The following NAALADL2 variants were observed in gnomAD, a reference collection of about 807,000 sequenced individuals.
The protein encoded by NAALADL2 is inactive N-acetylated-alpha-linked acidic dipeptidase-like protein 2.
NAALADL2 carries 76 observed loss-of-function variants against 87.2 expected under a neutral mutation model. That is an observed-to-expected ratio of 0.87 (90% CI 0.72 to 1.05). The LOEUF is 1.05. NAALADL2 is among the 50% of genes least tolerant of loss of function. The probability of loss-of-function intolerance (pLI) is 0.00; values close to 1 mark genes in which losing one functional copy is unlikely to be tolerated. For missense variants in NAALADL2, 1,089 were observed against 945.8 expected (o/e 1.15, Z -1.99); for synonymous variants, 354 against 331.0 (o/e 1.07, Z -0.75).
At chr3:175,740,847 C>T (rs951490905) in intron 12 of NAALADL2, among the ~76,000 whole-genome samples, 1 of 152,160 alleles carries the variant, frequency 6.6e-6, no homozygotes, top group African/African-American at 2.4e-5. Context: ...GCACTGCGGA[C>T]TCGCCCTTAA....
At chr3:175,448,574 T>C (rs1721053482) in intron 6 of NAALADL2, among the ~76,000 whole-genome samples, 1 of 152,180 alleles carries the variant, frequency 6.6e-6, no homozygotes, top group Non-Finnish European at 1.5e-5. Flanking sequence ...TGCCCTCCCC[T>C]ATGTCACCTC....
At chr3:174,703,529 G>A (rs541046867) in intron 2 of NAALADL2, among the ~76,000 whole-genome samples, 1 of 152,100 alleles carries the variant, frequency 6.6e-6, no homozygotes, top group Non-Finnish European at 1.5e-5. Context: ...ATGATAATAA[G>A]TGGGTCGTCA....
intron 4 of NAALADL2, among the ~76,000 whole-genome samples, chr3:175,272,720 C>T (rs1753024644): frequency 6.6e-6 from 1 of 152,046 alleles, no homozygotes; most frequent in Admixed American, 6.6e-5. Context: ...ATTTGAAAAT[C>T]ATATAATATA....
chr3:175,541,482 A>G (rs1045851629), intron 9 of NAALADL2, among the ~76,000 whole-genome samples: 7 of 152,212 alleles, frequency 4.6e-5, no homozygotes, highest in African/African-American at 1.4e-4. Flanking sequence ...TGAATATCTC[A>G]TGTAATTTAT....
At chr3:174,540,621 T>A (rs1310527867) in intron 1 of NAALADL2, 2 of 152,216 alleles carry the variant, frequency 1.3e-5, no homozygotes, top group Non-Finnish European at 2.9e-5. Flanking sequence ...GCTGGCTTGT[T>A]GACAAGAAGA....
intron 5 of NAALADL2, among the ~76,000 whole-genome samples, chr3:175,446,867 CACTT>C (rs1720794118): frequency 1.3e-5 from 2 of 152,296 alleles, no homozygotes; most frequent in Admixed American, 1.3e-4. Flanking sequence ...ACATCACTGA[CACTT>C]ACATATCTGC....
intron 13 of NAALADL2, among the ~76,000 whole-genome samples, chr3:175,766,983 C>T (rs1000886250): frequency 1.3e-5 from 2 of 152,050 alleles, no homozygotes; most frequent in African/African-American, 4.8e-5. Context: ...CCAATAGGCA[C>T]GATTCTATAA....
At position 174,993,693 on chromosome 3, in the gene NAALADL2, T is replaced by C. The variant is rs372985492; in HGVS notation, c.44-103097T>C. 1.6e-4 allele frequency among the ~76,000 whole-genome samples: 24 copies of C among 152,074 alleles called. No homozygotes were observed. The East Asian group carries it at 2.9e-3, about 18-fold the overall frequency. On this transcript the variant is annotated intron_variant, in intron 1 of 13. Coordinates refer to ENST00000454872, the MANE Select transcript of NAALADL2 (RefSeq NM_207015.3). ...ATTAAGAGTTAGAAAAATGAGGAGT[T>C]AAAAAAATAATATGTATAGTAGCTT...
intron 2 of NAALADL2, among the ~76,000 whole-genome samples, chr3:174,732,304 GA>G (rs1732780373): frequency 6.6e-6 from 1 of 152,074 alleles, no homozygotes; most frequent in South Asian, 2.1e-4. Flanking sequence ...TAGATTTTAT[GA>G]AATAAGCGAA....
chr3:175,594,025 T>C (rs1721905842), intron 10 of NAALADL2, among the ~76,000 whole-genome samples: 2 of 151,836 alleles, frequency 1.3e-5, no homozygotes, highest in Admixed American at 6.6e-5. Context: ...ACACAGGGGG[T>C]ACATGTACAA....
rs544059480 is a variant in NAALADL2 at position 175,205,657 on chromosome 3, A to G, written c.546-28274A>G. ...AAGCAACAGTCTGAAGGTTAAACAGACAACCCACAGATTGGGAGAAAGTCT... is the reference window on the plus strand; with the variant it reads ...AAGCAACAGTCTGAAGGTTAAACAGGCAACCCACAGATTGGGAGAAAGTCT... On this transcript the variant is annotated intron_variant, in intron 2 of 13. Transcript: ENST00000454872. 3.3e-5 allele frequency among the ~76,000 whole-genome samples: 5 copies of G among 152,218 alleles called. No individual in the cohort carries two copies. The South Asian group carries it at 8.3e-4, about 25-fold the overall frequency.
At chr3:175,162,134 G>T (rs1207805425) in intron 2 of NAALADL2, among the ~76,000 whole-genome samples, 1 of 152,052 alleles carries the variant, frequency 6.6e-6, no homozygotes, top group Non-Finnish European at 1.5e-5. Context: ...GATTTGGTGT[G>T]AAATATAAAC....
chr3:175,598,027 A>G (rs943045986), intron 10 of NAALADL2, among the ~76,000 whole-genome samples: 8 of 152,052 alleles, frequency 5.3e-5, no homozygotes, highest in African/African-American at 1.9e-4. Flanking sequence ...AGATGTATGT[A>G]TACGTTGTAT....
chr3:174,701,625 C>T (rs1729563052), intron 2 of NAALADL2, among the ~76,000 whole-genome samples: 1 of 152,042 alleles, frequency 6.6e-6, no homozygotes. Context: ...TTTCTAATCC[C>T]AGGTTACTAC....
At chr3:175,527,929 A>G (rs571242743) in intron 9 of NAALADL2, among the ~76,000 whole-genome samples, 106 of 152,186 alleles carry the variant, frequency 7.0e-4, no homozygotes, top group African/African-American at 2.5e-3. Flanking sequence ...CCATGATCTC[A>G]TGGTCTCTCC....
chr3:174,747,581 C>G (rs1016383689), intron 3 of NAALADL2, among the ~76,000 whole-genome samples: 2 of 124,210 alleles, frequency 1.6e-5, no homozygotes, highest in African/African-American at 6.1e-5. Context: ...GAGATTGCAC[C>G]ATTGCACTCC....
At chr3:175,172,450 T>C (rs538076688) in intron 2 of NAALADL2, among the ~76,000 whole-genome samples, 3 of 152,296 alleles carry the variant, frequency 2.0e-5, no homozygotes, top group Admixed American at 6.5e-5. Flanking sequence ...TCAGTCATTA[T>C]CCAAGTGATA....
chr3:175,050,196 C>T (rs779984817), intron 1 of NAALADL2, among the ~76,000 whole-genome samples: 7 of 152,080 alleles, frequency 4.6e-5, no homozygotes, highest in East Asian at 1.9e-4. Context: ...TCTGGCAACC[C>T]GTGATACTGA....
At chr3:175,384,533 A>G (rs190828697) in intron 5 of NAALADL2, among the ~76,000 whole-genome samples, 23 of 152,154 alleles carry the variant, frequency 1.5e-4, no homozygotes, top group Admixed American at 1.3e-3. Context: ...TTGGATAACA[A>G]GAAAAAGTAG....
Sources: gnomAD v4.1 joint callset for allele counts (sites outside exome capture counted in the v4.1 genomes callset) on GRCh38, gnomAD v4.1.1 for gene constraint, MANE v1.5 for transcripts, NCBI Gene and HGNC (gene_info 2026-07-23, HGNC 2026-07-21) for gene names.